The following FAM135B variants were observed in gnomAD, a reference collection of about 807,000 sequenced individuals.
FAM135B encodes the protein protein FAM135B.
A neutral mutation model predicts 127.7 loss-of-function variants in FAM135B; 43 were observed. The ratio of observed to expected loss-of-function variants is 0.34; its 90% confidence interval spans 0.26 to 0.43. The LOEUF is 0.43. Ranked by LOEUF, FAM135B falls within the 20% of genes least tolerant of loss-of-function variation. The pLI, the probability that FAM135B is intolerant of heterozygous loss-of-function variation, is 1.00. For missense variants in FAM135B, 1,558 were observed against 1,725.6 expected (o/e 0.90, Z 1.72); for synonymous variants, 670 against 665.1 (o/e 1.01, Z -0.11).
At chr8:138,374,480 G>C (rs1332555785) in intron 1 of FAM135B, among the ~76,000 whole-genome samples, 2 of 152,204 alleles carry the variant, frequency 1.3e-5, no homozygotes, top group Non-Finnish European at 2.9e-5. Context: ...CTAAAAAGGA[G>C]TAATTGTCTG....
chr8:138,205,603 A>G (rs1165906807), intron 7 of FAM135B, among the ~76,000 whole-genome samples: 4 of 152,164 alleles, frequency 2.6e-5, no homozygotes, highest in African/African-American at 9.7e-5. Context: ...GTCAGCCACA[A>G]ATTGCTGAGC....
chr8:138,130,051 C>T lies in FAM135B; in HGVS notation c.*2542G>A, dbSNP rs867037919. 4.6e-5 allele frequency: 7 copies of T among 152,010 alleles called. No homozygotes were observed. The highest frequency in any genetic ancestry group is 7.2e-5 in the African/African-American group (3 of 41,394). 9.4% of individuals were successfully genotyped at this position (152,010 alleles called of 1,614,324 possible). ...ATCTCAATATTGGGCATTTTTATTTCTAACTCATTTTGGGAAACAACAAAT... is the reference window on the plus strand; with the variant it reads ...ATCTCAATATTGGGCATTTTTATTTTTAACTCATTTTGGGAAACAACAAAT... On this transcript the variant is annotated 3_prime_UTR_variant, in exon 20 of 20. Coordinates refer to ENST00000395297, the MANE Select transcript of FAM135B (RefSeq NM_015912.4).
intron 2 of FAM135B, among the ~76,000 whole-genome samples, chr8:138,366,138 G>T (rs930107013): frequency 6.6e-5 from 10 of 152,072 alleles, no homozygotes; most frequent in African/African-American, 2.4e-4. Flanking sequence ...TCCTCACTCT[G>T]CTATGTTAGA....
chr8:138,311,480 T>A (rs1826681621), intron 2 of FAM135B, among the ~76,000 whole-genome samples: 1 of 152,202 alleles, frequency 6.6e-6, no homozygotes, highest in South Asian at 2.1e-4. Flanking sequence ...GTTCTCCTGA[T>A]GTCAGTTAAC....
chr8:138,245,932 G>A (rs184775127), intron 6 of FAM135B, among the ~76,000 whole-genome samples: 400 of 152,298 alleles, frequency 2.6e-3, no homozygotes, highest in Middle Eastern at 6.8e-3. Context: ...TATGGGCAAT[G>A]AAGTCCAAGC....
intron 9 of FAM135B, among the ~76,000 whole-genome samples, chr8:138,185,315 G>T (rs760228184): frequency 4.6e-5 from 7 of 152,200 alleles, no homozygotes; most frequent in Non-Finnish European, 8.8e-5. Context: ...TTGGAAGGTA[G>T]ATAGTGTCCC....
intron 12 of FAM135B, among the ~76,000 whole-genome samples, chr8:138,153,809 C>A (rs1173806865): frequency 6.6e-6 from 1 of 152,134 alleles, no homozygotes; most frequent in Non-Finnish European, 1.5e-5. Flanking sequence ...TGGGTGGAGC[C>A]CACCACAGCT....
Position 138,242,708 on chromosome 8 carries a change from C to G in FAM135B, c.669+234G>C, listed in dbSNP as rs1332084213. On this transcript the variant is annotated intron_variant, in intron 7 of 19. Coordinates refer to ENST00000395297, the MANE Select transcript of FAM135B (RefSeq NM_015912.4). The surrounding 1 kb of genome is among the most constrained non-coding windows in gnomAD (Gnocchi z 9.6). ...TATTCTTCCAAGAGACCACATATAA[C>G]AAGTATCATATGAAGACCATATTCC... 6.6e-6 allele frequency among the ~76,000 whole-genome samples: 1 copy of G among 152,102 alleles called. No homozygotes were observed. Among genetic ancestry groups the G allele is most frequent in the Non-Finnish European group, 1.5e-5 (1 of 68,034 alleles).
intron 1 of FAM135B, among the ~76,000 whole-genome samples, chr8:138,462,950 A>C (rs1224420857): frequency 6.6e-6 from 1 of 152,180 alleles, no homozygotes; most frequent in Non-Finnish European, 1.5e-5. Context: ...CCAAAAATTA[A>C]CTAACAGCAG....
intron 1 of FAM135B, among the ~76,000 whole-genome samples, chr8:138,403,660 C>A (rs1833282267): frequency 6.6e-6 from 1 of 152,156 alleles, no homozygotes; most frequent in Admixed American, 6.5e-5. Context: ...GGACCATGAC[C>A]TTTTGCTCTA....
At chr8:138,287,824 T>C (rs1288113498) in intron 3 of FAM135B, among the ~76,000 whole-genome samples, 1 of 152,158 alleles carries the variant, frequency 6.6e-6, no homozygotes, top group Non-Finnish European at 1.5e-5. Flanking sequence ...ACAGACTGTG[T>C]TAAAGTACAA....
chr8:138,329,102 T>C (rs145124012), intron 2 of FAM135B, among the ~76,000 whole-genome samples: 79 of 150,836 alleles, frequency 5.2e-4, no homozygotes, highest in African/African-American at 1.8e-3. Context: ...GCCACATAGG[T>C]GATCGATTGA....
At chr8:138,161,279 C>A (rs1819360151) in intron 12 of FAM135B, among the ~76,000 whole-genome samples, 1 of 152,120 alleles carries the variant, frequency 6.6e-6, no homozygotes, top group Non-Finnish European at 1.5e-5. Context: ...ATGATCTTTT[C>A]CTATTTTTAT....
At chr8:138,422,913 A>AC (rs1461694973) in intron 1 of FAM135B, among the ~76,000 whole-genome samples, 1 of 152,196 alleles carries the variant, frequency 6.6e-6, no homozygotes, top group Non-Finnish European at 1.5e-5. Flanking sequence ...GTCAATATAC[A>AC]CCATGGAATA....
chr8:138,191,380 A>G (rs1358346334), intron 9 of FAM135B, among the ~76,000 whole-genome samples: 2 of 152,212 alleles, frequency 1.3e-5, no homozygotes, highest in African/African-American at 4.8e-5. Context: ...ATTGAGTCCA[A>G]GCTCCTTTTG....
Position 138,165,775 on chromosome 8 carries a change from G to A in FAM135B, c.1258+2120C>T, listed in dbSNP as rs115003948. Among the ~76,000 whole-genome samples, 667 of 152,194 alleles carry A rather than the reference G, an allele frequency of 4.4e-3. 3 individuals carry two copies. Among genetic ancestry groups the A allele is most frequent in the African/African-American group, 0.015 (622 of 41,526 alleles). ...ACACCTCACAGAAGAAAACGTCTCA[G>A]TGTCATGTTTTAAACTTGTTTTGAC... On this transcript the variant is annotated intron_variant, in intron 12 of 19. Coordinates refer to ENST00000395297, the MANE Select transcript of FAM135B (RefSeq NM_015912.4).
At chr8:138,170,518 G>A (rs528321389) in intron 11 of FAM135B, among the ~76,000 whole-genome samples, 10 of 152,226 alleles carry the variant, frequency 6.6e-5, no homozygotes, top group South Asian at 2.1e-4. Context: ...CACCGCGCCC[G>A]GCCCACTATC....
chr8:138,479,208 C>A (rs1486985733), intron 1 of FAM135B, among the ~76,000 whole-genome samples: 2 of 152,190 alleles, frequency 1.3e-5, no homozygotes, highest in African/African-American at 4.8e-5. Context: ...GTTCACCAAC[C>A]AGTGAGCCCT....
intron 1 of FAM135B, among the ~76,000 whole-genome samples, chr8:138,489,260 C>A (rs2131694319): frequency 6.6e-6 from 1 of 152,278 alleles, no homozygotes; most frequent in South Asian, 2.1e-4. Flanking sequence ...GTCCCCAGGC[C>A]AGTGAACAGC....
Sources: gnomAD v4.1 joint callset for allele counts (sites outside exome capture counted in the v4.1 genomes callset) on GRCh38, gnomAD v4.1.1 for gene constraint, Gnocchi (gnomAD v3.1) non-coding constraint, MANE v1.5 for transcripts, NCBI Gene and HGNC (gene_info 2026-07-23, HGNC 2026-07-21) for gene names.